NBEA: variants seen among roughly 807,000 people sequenced by gnomAD.
The protein encoded by NBEA is lysosomal-trafficking regulator 2.
A neutral mutation model predicts 343.4 loss-of-function variants in NBEA; 44 were observed. The observed-to-expected ratio is 0.13, with a 90% CI of 0.10 to 0.16. The LOEUF (loss-of-function observed/expected upper bound fraction) is 0.16. Among genes scored for constraint, NBEA ranks in the 10% least tolerant of loss-of-function variants. The probability of loss-of-function intolerance (pLI) is 1.00; values close to 1 mark genes in which losing one functional copy is unlikely to be tolerated. For missense variants in NBEA, 2,555 were observed against 3,631.3 expected, an observed-to-expected ratio of 0.70 and a Z score of 7.62; for synonymous variants, 1,175 against 1,238.7, an observed-to-expected ratio of 0.95 and a Z score of 1.08.
chr13:35,445,780 GTTTATATATATATATATATATATATA>G (rs1304013711), intron 39 of NBEA, among the ~76,000 whole-genome samples: 21 of 63,316 alleles, frequency 3.3e-4, no homozygotes, highest in African/African-American at 1.5e-3. Flanking sequence ...AGATATAAAT[GTTTATATATATATATATATATATATA>G]TATATATATA....
intron 45 of NBEA, among the ~76,000 whole-genome samples, chr13:35,568,250 T>G (rs2080228061): frequency 6.6e-6 from 1 of 152,178 alleles, no homozygotes; most frequent in Non-Finnish European, 1.5e-5. Flanking sequence ...AACTCCCTAT[T>G]AAATTTTAGT....
chr13:35,194,562 A>G lies in NBEA; in HGVS notation c.4928-1302A>G, dbSNP rs908571865. On this transcript the variant is annotated intron_variant, in intron 30 of 58. Coordinates refer to ENST00000379939, the MANE Select transcript of NBEA (RefSeq NM_001385012.1). The stretch of plus-strand genomic sequence containing the variant: ...TTAAATGCAAGTTTAAGCAATACAA[A>G]TAGCTAACATTTACTGAGCTTCTAC... 2.0e-5 allele frequency among the ~76,000 whole-genome samples: 3 copies of G among 152,130 alleles called. No homozygotes were observed. In the South Asian group the frequency reaches 6.2e-4, roughly 31 times the overall value.
chr13:35,478,185 C>G, intron 41 of NBEA, among the ~76,000 whole-genome samples: 1 of 152,186 alleles, frequency 6.6e-6, no homozygotes, highest in East Asian at 1.9e-4. Context: ...GGCACAGCAT[C>G]ACAAAACCAC....
At chr13:35,444,817 A>G (rs1441663157) in intron 39 of NBEA, among the ~76,000 whole-genome samples, 4 of 152,128 alleles carry the variant, frequency 2.6e-5, no homozygotes, top group Non-Finnish European at 5.9e-5. Context: ...TCAGAAGTAC[A>G]TGTCAAATAC....
chr13:35,595,873 T>C (rs2081772080), intron 47 of NBEA, among the ~76,000 whole-genome samples: 1 of 152,004 alleles, frequency 6.6e-6, no homozygotes, highest in Non-Finnish European at 1.5e-5. Flanking sequence ...TAAGTTATGT[T>C]TGTTTTAGTT....
chr13:35,385,967 T>A lies in NBEA; in HGVS notation c.6179+33644T>A, dbSNP rs958640460. Among the ~76,000 whole-genome samples the A allele has an allele frequency of 2.6e-5, 4 of 152,242 alleles. No homozygotes were observed. In the East Asian group the frequency reaches 7.7e-4, roughly 29 times the overall value. On this transcript the variant is annotated intron_variant, in intron 38 of 58. Coordinates refer to ENST00000379939, the MANE Select transcript of NBEA (RefSeq NM_001385012.1). ...GTTTTATATAATTTCCTAGAGAGAT[T>A]CACAGTAAATATAATGGTATTTCAG...
At chr13:35,564,575 C>T (rs1365030830) in intron 44 of NBEA, among the ~76,000 whole-genome samples, 1 of 152,130 alleles carries the variant, frequency 6.6e-6, no homozygotes, top group Non-Finnish European at 1.5e-5. Context: ...TAGAATTGTA[C>T]AGCTTTTATT....
chr13:35,088,754 G>A (rs2064907731), intron 10 of NBEA, among the ~76,000 whole-genome samples: 1 of 150,920 alleles, frequency 6.6e-6, no homozygotes. Flanking sequence ...AAATAACGCT[G>A]CATATCTACA....
Position 34,984,500 on chromosome 13 carries a change from T to TCTCCCTCATGGTCAGGC in NBEA, c.294+41386_294+41387insCTCCCTCATGGTCAGGC, listed in dbSNP as rs1344193640. 1.5e-4 allele frequency among the ~76,000 whole-genome samples: 22 copies of TCTCCCTCATGGTCAGGC among 151,588 alleles called. 1 individual carries two copies. The highest frequency in any genetic ancestry group is 4.2e-4 in the South Asian group (2 of 4,786). ...TGTGATGCCTCCAGCTTTGTTCTTT[T>TCTCCCTCATGGTCAGGC]TGCTTAGCATTGTATTGGCAATGCG... On this transcript the variant is annotated intron_variant, in intron 1 of 58. Transcript: ENST00000379939.
At chr13:35,420,538 G>T (rs1456708352) in intron 38 of NBEA, among the ~76,000 whole-genome samples, 1 of 151,816 alleles carries the variant, frequency 6.6e-6, no homozygotes, top group Non-Finnish European at 1.5e-5. Context: ...TAATTATTGA[G>T]AAATATTTCT....
intron 1 of NBEA, among the ~76,000 whole-genome samples, chr13:35,013,552 C>A (rs945811655): frequency 9.9e-5 from 15 of 151,670 alleles, no homozygotes; most frequent in Non-Finnish European, 2.1e-4. Flanking sequence ...CTCACTGCAA[C>A]CTCTGCCTCC....
At chr13:35,216,208 A>G (rs1030031239) in intron 33 of NBEA, among the ~76,000 whole-genome samples, 1 of 151,024 alleles carries the variant, frequency 6.6e-6, no homozygotes, top group Non-Finnish European at 1.5e-5. Context: ...ACTCCTTTCT[A>G]TTTACATCAC....
intron 40 of NBEA, among the ~76,000 whole-genome samples, chr13:35,456,420 T>C (rs1027405070): frequency 1.3e-5 from 2 of 152,040 alleles, no homozygotes; most frequent in Admixed American, 1.3e-4. Flanking sequence ...AAAACCTAAC[T>C]TAATTTACTT....
intron 53 of NBEA, among the ~76,000 whole-genome samples, chr13:35,654,630 G>A (rs191695677): frequency 3.9e-5 from 6 of 152,014 alleles, no homozygotes; most frequent in African/African-American, 1.2e-4. Context: ...ATTGGTGGAG[G>A]GAGAACTAAA....
intron 38 of NBEA, among the ~76,000 whole-genome samples, chr13:35,400,407 T>G (rs1372782784): frequency 6.6e-6 from 1 of 151,974 alleles, no homozygotes; most frequent in Non-Finnish European, 1.5e-5. Context: ...ATGTAGTGCC[T>G]GGCTCACATT....
At chr13:34,945,096 T>G (rs2059149039) in intron 1 of NBEA, among the ~76,000 whole-genome samples, 1 of 152,176 alleles carries the variant, frequency 6.6e-6, no homozygotes, top group Non-Finnish European at 1.5e-5. Context: ...ACCATTAAGC[T>G]TAGAGTCACT....
At chr13:35,563,620 A>G (rs2079988315) in intron 44 of NBEA, among the ~76,000 whole-genome samples, 1 of 151,784 alleles carries the variant, frequency 6.6e-6, no homozygotes, top group Non-Finnish European at 1.5e-5. Context: ...ATATTTATTT[A>G]TAAAGTTTAT....
In NBEA at chr13:35,352,202, A is replaced by G; in HGVS notation, c.6058A>G (p.Met2020Val). 2.6e-6 allele frequency: 4 copies of G among 1,540,326 alleles called. No individual in the cohort carries two copies. The highest frequency in any genetic ancestry group is 4.8e-5 in the East Asian group (2 of 41,666). ...TGCTGATAGAAGAGAGGAAGAAAAG[A>G]TGTGTGACCATCTTATCAGTGCTGC... The part of the protein sequence containing the change: ...YAADRREEEK[M>V]CDHLISAAKH... Residue 2020 changes from methionine to valine, a missense_variant, in exon 38 of 59, where the codon ATG becomes GTG. Physicochemically the swap from Met to Val is conservative, Grantham distance 21. This residue lies in a region of NBEA where 246 missense variants were observed against 313.7 expected (regional missense o/e 0.78). Transcript: ENST00000379939.
chr13:35,181,381 T>C (rs2071307839), intron 28 of NBEA, among the ~76,000 whole-genome samples: 1 of 151,982 alleles, frequency 6.6e-6, no homozygotes. Flanking sequence ...GGTATCACAT[T>C]GTGGTTTTGA....
Sources: allele counts gnomAD v4.1 joint callset (sites outside exome capture counted in the v4.1 genomes callset), GRCh38; gene constraint gnomAD v4.1.1; regional missense constraint gnomAD v4.1.1; transcripts MANE v1.5; gene names NCBI Gene and HGNC (gene_info 2026-07-23, HGNC 2026-07-21).